Variants in CUX1 observed in about 807,000 individuals in gnomAD.
CUX1 encodes protein CASP.
In CUX1, 31 loss-of-function variants were observed where a neutral mutation model predicts 158.8. That is an observed-to-expected ratio of 0.20 (90% CI 0.15 to 0.26). The LOEUF (loss-of-function observed/expected upper bound fraction) is 0.26. Among genes scored for constraint, CUX1 ranks in the 10% least tolerant of loss-of-function variants. The pLI is 1.00. For missense variants in CUX1, 1,589 were observed against 2,014.6 expected, an observed-to-expected ratio of 0.79 and a Z score of 4.04; for synonymous variants, 879 against 862.1, an observed-to-expected ratio of 1.02 and a Z score of -0.34.
At chr7:102,113,819 G>A (rs1554491047) in intron 7 of CUX1, among the ~76,000 whole-genome samples, 1 of 152,086 alleles carries the variant, frequency 6.6e-6, no homozygotes, top group Non-Finnish European at 1.5e-5. Context: ...TCCCACCTCA[G>A]TGTCCCAAAA....
intron 8 of CUX1, among the ~76,000 whole-genome samples, chr7:102,156,114 G>A (rs1554505201): frequency 1.3e-5 from 2 of 152,080 alleles, no homozygotes; most frequent in Non-Finnish European, 2.9e-5. Flanking sequence ...ACCTCAAATC[G>A]CTGTGTGTAG....
chr7:102,243,196 C>T (rs1312145497), intron 23 of CUX1, among the ~76,000 whole-genome samples: 1 of 152,100 alleles, frequency 6.6e-6, no homozygotes, highest in African/African-American at 2.4e-5. Flanking sequence ...ATCGCCTGAA[C>T]CTGTGAGGTG....
intron 2 of CUX1, 79 bp from the exon 3 acceptor site, chr7:102,028,019 T>G: frequency 6.6e-7 from 1 of 1,508,310 alleles, no homozygotes; most frequent in Admixed American, 1.7e-5. Flanking sequence ...GCCACGCTGT[T>G]TTTAGGAGGC....
At chr7:102,055,408 T>C (rs1033647900) in intron 3 of CUX1, among the ~76,000 whole-genome samples, 1 of 152,204 alleles carries the variant, frequency 6.6e-6, no homozygotes, top group Non-Finnish European at 1.5e-5. Context: ...CTGCAGGTGC[T>C]CACTTCCTTT....
chr7:101,926,296 T>G (rs1805582262), intron 2 of CUX1, among the ~76,000 whole-genome samples: 1 of 152,246 alleles, frequency 6.6e-6, no homozygotes, highest in African/African-American at 2.4e-5. Flanking sequence ...AGCCAGTTTA[T>G]CAACCCAAGA....
At chr7:101,889,580 G>C (rs1371106863) in intron 1 of CUX1, among the ~76,000 whole-genome samples, 3 of 152,128 alleles carry the variant, frequency 2.0e-5, no homozygotes, top group African/African-American at 4.8e-5. Context: ...AGACCAGCCT[G>C]GCCAGCATGG....
chr7:102,123,460 T>A (rs10276749), intron 8 of CUX1, among the ~76,000 whole-genome samples: 2 of 151,256 alleles, frequency 1.3e-5, no homozygotes, highest in African/African-American at 4.9e-5. Flanking sequence ...ATATAAAAAA[T>A]GAGCCAGGCG....
At chr7:101,872,019 C>CA (rs1562951359) in intron 1 of CUX1, among the ~76,000 whole-genome samples, 3 of 146,444 alleles carry the variant, frequency 2.0e-5, no homozygotes, top group East Asian at 2.0e-4. Context: ...CTCCATCCCC[C>CA]CAAAAAAAAA....
chr7:101,909,915 C>T (rs1463194403), intron 1 of CUX1, among the ~76,000 whole-genome samples: 1 of 152,150 alleles, frequency 6.6e-6, no homozygotes, highest in African/African-American at 2.4e-5. Context: ...AAACAAACAA[C>T]TGACAATTAC....
intron 2 of CUX1, among the ~76,000 whole-genome samples, chr7:101,934,419 T>A (rs1806678428): frequency 6.6e-6 from 1 of 152,200 alleles, no homozygotes; most frequent in Non-Finnish European, 1.5e-5. Flanking sequence ...AACAGAATAA[T>A]TTAGTTTGGA....
At chr7:102,148,663 T>C (rs1044513401) in intron 8 of CUX1, among the ~76,000 whole-genome samples, 1 of 148,690 alleles carries the variant, frequency 6.7e-6, no homozygotes, top group Non-Finnish European at 1.5e-5. Flanking sequence ...TAATGTATTT[T>C]ATATATAACT....
At chr7:102,218,375 G>T (rs1488014731) in intron 20 of CUX1, among the ~76,000 whole-genome samples, 2 of 152,172 alleles carry the variant, frequency 1.3e-5, no homozygotes, top group Non-Finnish European at 2.9e-5. Context: ...AAACAACCTT[G>T]CTCTAATTGA....
At chr7:101,999,600 C>T (rs552133055) in intron 2 of CUX1, among the ~76,000 whole-genome samples, 2 of 152,316 alleles carry the variant, frequency 1.3e-5, no homozygotes, top group East Asian at 3.9e-4. Context: ...GCTGCTTCTG[C>T]TCTGCTGAGG....
At chr7:101,834,261 C>A (rs1046677165) in intron 1 of CUX1, among the ~76,000 whole-genome samples, 3 of 150,280 alleles carry the variant, frequency 2.0e-5, no homozygotes, top group Admixed American at 6.6e-5. Context: ...GCAACCTCCG[C>A]CTCCTGGGTT....
chr7:101,965,230 A>G (rs747322986), intron 2 of CUX1, among the ~76,000 whole-genome samples: 4 of 152,146 alleles, frequency 2.6e-5, no homozygotes, highest in Non-Finnish European at 5.9e-5. Context: ...TAATGAATCC[A>G]GCTGACGTTG....
intron 21 of CUX1, among the ~76,000 whole-genome samples, chr7:102,227,950 T>C (rs1798517362): frequency 8.7e-6 from 1 of 114,704 alleles, no homozygotes; most frequent in East Asian, 3.6e-4. Flanking sequence ...CTCTTTTTTT[T>C]CTTTTTTTTT....
At chr7:102,262,718 G>A (rs1280221199), downstream of CUX1, among the ~76,000 whole-genome samples, 3 of 152,136 alleles carry the variant, frequency 2.0e-5, no homozygotes, top group Admixed American at 6.5e-5. Flanking sequence ...AAGAGGGCCA[G>A]CTGTGCCCCA....
intron 8 of CUX1, among the ~76,000 whole-genome samples, chr7:102,133,466 TC>T (rs1554497970): frequency 1.5e-5 from 2 of 131,408 alleles, no homozygotes; most frequent in Non-Finnish European, 3.2e-5. Flanking sequence ...AAAAAATACA[TC>T]TTTTTTTTTT....
intron 2 of CUX1, among the ~76,000 whole-genome samples, chr7:101,994,577 G>A (rs929714999): frequency 1.3e-5 from 2 of 152,156 alleles, no homozygotes; most frequent in Non-Finnish European, 2.9e-5. Context: ...CTCTAGCCTG[G>A]GTGACAGAGC....
Sources: gnomAD v4.1 joint callset for allele counts (sites outside exome capture counted in the v4.1 genomes callset) on GRCh38, gnomAD v4.1.1 for gene constraint, MANE v1.5 for transcripts, NCBI Gene and HGNC (gene_info 2026-07-23, HGNC 2026-07-21) for gene names.